The following CADPS variants were observed in gnomAD, a reference collection of about 807,000 sequenced individuals.
CADPS encodes the protein calcium dependent secretion activator.
A neutral mutation model predicts 167.3 loss-of-function variants in CADPS; 57 were observed. That is an observed-to-expected ratio of 0.34 (90% CI 0.28 to 0.42). The LOEUF (loss-of-function observed/expected upper bound fraction) is 0.42. Among genes scored for constraint, CADPS ranks in the 20% least tolerant of loss-of-function variants. The probability of loss-of-function intolerance (pLI) is 1.00; values close to 1 mark genes in which losing one functional copy is unlikely to be tolerated. For synonymous variants in CADPS, 676 were observed against 635.3 expected, an observed-to-expected ratio of 1.06 and a Z score of -0.96; for missense variants, 1,414 against 1,738.1, an observed-to-expected ratio of 0.81 and a Z score of 3.32.
chr3:62,489,007 T>C (rs901428386), intron 21 of CADPS, among the ~76,000 whole-genome samples: 1 of 152,076 alleles, frequency 6.6e-6, no homozygotes, highest in Non-Finnish European at 1.5e-5. Context: ...CATGCAAGAG[T>C]TCAAATTTTT....
intron 6 of CADPS, among the ~76,000 whole-genome samples, chr3:62,639,779 C>A (rs1563213143): frequency 1.3e-5 from 2 of 152,084 alleles, no homozygotes; most frequent in Admixed American, 1.3e-4. Context: ...AGTTGTCGGC[C>A]CTGCCCTGCT....
chr3:62,645,212 G>T (rs1563273655), intron 6 of CADPS, among the ~76,000 whole-genome samples: 1 of 151,886 alleles, frequency 6.6e-6, no homozygotes, highest in African/African-American at 2.4e-5. Context: ...AGAGTGGGAA[G>T]GGGGTAACGG....
Position 62,421,803 on chromosome 3 carries a change from T to G in CADPS, c.3777+16301A>C, listed in dbSNP as rs1366990405. Among the ~76,000 whole-genome samples the G allele has an allele frequency of 6.6e-6, 1 of 152,160 alleles. No individual in the cohort carries two copies. Among genetic ancestry groups the G allele is most frequent in the Non-Finnish European group, 1.5e-5 (1 of 68,028 alleles). On this transcript the variant is annotated intron_variant, in intron 28 of 29. Transcript: ENST00000383710. The surrounding 1 kb of genome is among the most constrained non-coding windows in gnomAD (Gnocchi z 4.7). ...ATGGAGGGATGCCCCGGGTCTGGGT[T>G]TTTTTGGAGTGTGCTATTGTTTGTG... is the stretch of plus-strand genomic sequence containing the variant.
At chr3:62,481,456 T>A (rs2062003440) in intron 22 of CADPS, among the ~76,000 whole-genome samples, 1 of 152,176 alleles carries the variant, frequency 6.6e-6, no homozygotes, top group Non-Finnish European at 1.5e-5. Context: ...AAGGGTAGAA[T>A]CCTTTTGCAA....
At chr3:62,858,774 G>C (rs1251206727) in intron 1 of CADPS, among the ~76,000 whole-genome samples, 1 of 152,088 alleles carries the variant, frequency 6.6e-6, no homozygotes, top group African/African-American at 2.4e-5. Context: ...TATGAAACAA[G>C]TGTAAATTCT....
At chr3:62,522,678 T>C (rs550680282) in intron 13 of CADPS, among the ~76,000 whole-genome samples, 1 of 152,140 alleles carries the variant, frequency 6.6e-6, no homozygotes, top group Non-Finnish European at 1.5e-5. Flanking sequence ...CTTCACAACG[T>C]TCCAAATTTT....
chr3:62,407,260 G>A (rs562085547), intron 28 of CADPS, among the ~76,000 whole-genome samples: 1 of 152,250 alleles, frequency 6.6e-6, no homozygotes, highest in South Asian at 2.1e-4. Flanking sequence ...TCATGTGGTG[G>A]TGAAGAAAAT....
At chr3:62,782,833 C>T in intron 1 of CADPS, among the ~76,000 whole-genome samples, 1 of 150,216 alleles carries the variant, frequency 6.7e-6, no homozygotes, top group Non-Finnish European at 1.5e-5. Context: ...GATCTCATCT[C>T]ACTGCAACCT....
At chr3:62,819,400 CTGTGTGCG>C (rs1553721451) in intron 1 of CADPS, among the ~76,000 whole-genome samples, 1 of 128,618 alleles carries the variant, frequency 7.8e-6, no homozygotes, top group South Asian at 2.9e-4. Flanking sequence ...CAATGACAAT[CTGTGTGCG>C]TGTGTGTGTG....
intron 21 of CADPS, among the ~76,000 whole-genome samples, chr3:62,490,727 T>G (rs2151061031): frequency 6.6e-6 from 1 of 152,250 alleles, no homozygotes; most frequent in South Asian, 2.1e-4. Flanking sequence ...TAAACATACT[T>G]GGCCATAAAG....
At chr3:62,765,841 C>T (rs1375795199) in intron 2 of CADPS, 30 bp downstream of exon 2, 4 of 1,470,876 alleles carry the variant, frequency 2.7e-6, no homozygotes, top group African/African-American at 1.4e-5. Flanking sequence ...CTTGAGTGGT[C>T]TTGGCATTCT....
chr3:62,434,471 AG>A (rs1474554090), intron 28 of CADPS, among the ~76,000 whole-genome samples: 1 of 152,208 alleles, frequency 6.6e-6, no homozygotes, highest in Non-Finnish European at 1.5e-5. Flanking sequence ...TAATGGCAAA[AG>A]CAACCCAGTT....
Position 62,859,926 on chromosome 3 carries a change from T to C in CADPS, c.441+14663A>G, listed in dbSNP as rs376461629. On this transcript the variant is annotated intron_variant, in intron 1 of 29. Coordinates refer to ENST00000383710, the MANE Select transcript of CADPS (RefSeq NM_003716.4). ...AATCACCCAGAAGTCTACATTATCTTTGATGGGCCCTCTGCCTTGGTTTAG... is the reference window on the plus strand; with the variant it reads ...AATCACCCAGAAGTCTACATTATCTCTGATGGGCCCTCTGCCTTGGTTTAG... Among the ~76,000 whole-genome samples the C allele has an allele frequency of 1.3e-4, 20 of 152,296 alleles. No individual in the cohort carries two copies. In the East Asian group the frequency reaches 3.7e-3, roughly 28 times the overall value.
chr3:62,844,208 A>G (rs1476719832), intron 1 of CADPS, among the ~76,000 whole-genome samples: 6 of 152,186 alleles, frequency 3.9e-5, no homozygotes, highest in African/African-American at 1.4e-4. Context: ...ACCGGCATCA[A>G]CATCTCCCAT....
intron 8 of CADPS, among the ~76,000 whole-genome samples, chr3:62,579,862 G>A (rs1030393872): frequency 6.6e-6 from 1 of 152,174 alleles, no homozygotes; most frequent in Non-Finnish European, 1.5e-5. Flanking sequence ...GGAGGCAGGG[G>A]CAGAAGCAGG....
rs2066731809 is a variant in CADPS, at chr3:62,506,598, G to A, written c.2599+6153C>T. ...TTAATTCTGCATGGACATTGTGTTGGAAATCTGTCCTTGTATGTGCAAGAA... is the reference window on the plus strand; with the variant it reads ...TTAATTCTGCATGGACATTGTGTTGAAAATCTGTCCTTGTATGTGCAAGAA... On this transcript the variant is annotated intron_variant, in intron 17 of 29. Transcript: ENST00000383710. Among the ~76,000 whole-genome samples, 3 of 152,124 alleles carry A rather than the reference G, an allele frequency of 2.0e-5. No individual in the cohort carries two copies. In the South Asian group the frequency reaches 6.2e-4, roughly 32 times the overall value.
chr3:62,688,358 C>T (rs1441922670), intron 3 of CADPS, among the ~76,000 whole-genome samples: 3 of 152,096 alleles, frequency 2.0e-5, no homozygotes, highest in African/African-American at 7.2e-5. Flanking sequence ...TGTTACTCAT[C>T]TCTAAGATGG....
At chr3:62,674,222 G>A (rs1431924659) in intron 3 of CADPS, among the ~76,000 whole-genome samples, 2 of 152,164 alleles carry the variant, frequency 1.3e-5, no homozygotes, top group African/African-American at 4.8e-5. Context: ...AGCTGCCCAT[G>A]TCAATTAAAA....
intron 1 of CADPS, among the ~76,000 whole-genome samples, chr3:62,806,340 T>G (rs954648682): frequency 2.9e-5 from 4 of 139,986 alleles, no homozygotes; most frequent in African/African-American, 1.1e-4. Flanking sequence ...CTGGGCAACA[T>G]AGCAAGACCT....
Sources: allele counts gnomAD v4.1 joint callset (sites outside exome capture counted in the v4.1 genomes callset), GRCh38; gene constraint gnomAD v4.1.1; non-coding constraint Gnocchi (gnomAD v3.1); transcripts MANE v1.5; gene names NCBI Gene and HGNC (gene_info 2026-07-23, HGNC 2026-07-21).